STRN4: variants seen among roughly 807,000 people sequenced by gnomAD.
The protein encoded by STRN4 is striatin 4.
In STRN4, 27 loss-of-function variants were observed where a neutral mutation model predicts 77.9. The ratio of observed to expected loss-of-function variants is 0.35; its 90% CI spans 0.26 to 0.48. STRN4 has a LOEUF of 0.48. STRN4 is among the 20% of genes least tolerant of loss of function. The probability of loss-of-function intolerance (pLI) is 0.99; values close to 1 mark genes in which losing one functional copy is unlikely to be tolerated. For missense variants in STRN4, 798 were observed against 1,049.7 expected, an observed-to-expected ratio of 0.76 and a Z score of 3.31; for synonymous variants, 466 against 443.1, an observed-to-expected ratio of 1.05 and a Z score of -0.65.
In STRN4 at chr19:46,746,347, G is replaced by C. The variant is rs556058819; in HGVS notation, c.84C>G (p.Pro28=). 3,558 of 1,265,732 alleles carry C rather than the reference G, an allele frequency of 2.8e-3. 84 individuals are homozygous for C. In the East Asian group the frequency reaches 0.048, roughly 17 times the overall value. The allele number at this position is 1,265,732 out of a possible 1,614,324, so 78.4% of individuals were successfully genotyped here. The part of the protein sequence containing the change: ...RPLGSGAGPG[P]TGAAPVSAPA... Reference sequence around the variant, plus strand: ...GGGCGGAGACCGGGGCCGCCCCAGTGGGGCCAGGGCCCGCGCCTGAGCCGA... The same window carrying C: ...GGGCGGAGACCGGGGCCGCCCCAGTCGGGCCAGGGCCCGCGCCTGAGCCGA... Residue 28 remains proline (P), a synonymous_variant, in exon 1 of 18, where the codon CCC becomes CCG. Transcript: ENST00000263280.
chr19:46,736,976 A>C, intron 3 of STRN4, 75 bp from the exon 4 acceptor site: 4 of 1,435,566 alleles, frequency 2.8e-6, no homozygotes, highest in Non-Finnish European at 2.9e-6. Flanking sequence ...CATCTTCCTC[A>C]CCCCTCCAAC....
rs928701157 is a variant in STRN4, at chr19:46,741,317, G to T, written c.283-2429C>A. Among the ~76,000 whole-genome samples the T allele has an allele frequency of 6.6e-6, 1 of 152,194 alleles. No individual in the cohort carries two copies. The highest frequency in any genetic ancestry group is 6.5e-5 in the Admixed American group (1 of 15,284). ...TCCCAACCAGACCTGTCACTGGCTG[G>T]GTTCCCCCTTCATCCCTCTGCTGCC... On this transcript the variant is annotated intron_variant, in intron 1 of 17. Transcript: ENST00000263280. The surrounding 1 kb of genome is among the most constrained non-coding windows in gnomAD (Gnocchi z 4.9).
At chr19:46,726,501 G>A (rs896093306) in intron 9 of STRN4, among the ~76,000 whole-genome samples, 4 of 149,940 alleles carry the variant, frequency 2.7e-5, no homozygotes, top group African/African-American at 9.9e-5. Context: ...AAAAAAAAAG[G>A]TAGCCTCAGA....
Position 46,724,855 on chromosome 19 carries a change from G to A in STRN4, c.1546C>T (p.His516Tyr). Residue 516 changes from histidine to tyrosine, a missense_variant, in exon 12 of 18, where the codon CAT becomes TAT. His to Tyr is a moderately conservative substitution (Grantham distance 83). Coordinates refer to ENST00000263280, the MANE Select transcript of STRN4 (RefSeq NM_013403.3). ...CYSGGADACI[H>Y]SWKIPDLSMD... ...CTGAGGTCTGGAATCTTCCAACTAT[G>A]GATGCAGGCATCTGCCCCGCCACTG... is the stretch of plus-strand genomic sequence containing the variant. 1.9e-6 allele frequency: 3 copies of A among 1,613,786 alleles called. No homozygotes were observed. The South Asian group carries it at 3.3e-5, about 18-fold the overall frequency.
chr19:46,731,252 G>A (rs149093609), intron 5 of STRN4, among the ~76,000 whole-genome samples: 77 of 152,320 alleles, frequency 5.1e-4, no homozygotes, highest in African/African-American at 1.8e-3. Context: ...ACAAGGGCAG[G>A]TCAGGCAGGA....
intron 1 of STRN4, among the ~76,000 whole-genome samples, chr19:46,740,552 C>T (rs1158263515): frequency 6.6e-6 from 1 of 151,998 alleles, no homozygotes; most frequent in Non-Finnish European, 1.5e-5. Context: ...GACCGACCAC[C>T]GAAGACAAGT....
At chr19:46,737,227 T>C (rs1475351097) in intron 3 of STRN4, among the ~76,000 whole-genome samples, 1 of 152,238 alleles carries the variant, frequency 6.6e-6, no homozygotes, top group East Asian at 1.9e-4. Flanking sequence ...ATCCCAGCTG[T>C]GTGACCCTGA....
rs1352455861 is a variant in STRN4 at position 46,720,538 on chromosome 19, C to G, written c.*64G>C. The G allele has an allele frequency of 6.8e-7, 1 of 1,472,624 alleles. No individual in the cohort carries two copies. Among genetic ancestry groups the G allele is most frequent in the African/African-American group, 1.4e-5 (1 of 70,782 alleles). 91.2% of individuals were successfully genotyped at this position (1,472,624 alleles called of 1,614,324 possible). A position where few individuals can be genotyped will look rare whatever the true frequency, so the allele number is the denominator to read the frequency against. ...GAATGCGGGGTTTCTGCCCTCACCTCAGCCCCACCTGCCCGGCCCTACACC... is the reference window on the plus strand; with the variant it reads ...GAATGCGGGGTTTCTGCCCTCACCTGAGCCCCACCTGCCCGGCCCTACACC... On this transcript the variant is annotated splice_region_variant and 3_prime_UTR_variant, in exon 17 of 18. Transcript: ENST00000263280.
chr19:46,728,773 G>A lies in STRN4; in HGVS notation c.884C>T (p.Pro295Leu). 6.2e-7 allele frequency: 1 copy of A among 1,614,100 alleles called. No homozygotes were observed. Among genetic ancestry groups the A allele is most frequent in the Non-Finnish European group, 8.5e-7 (1 of 1,179,956 alleles). ...VQHKKQRVKL[P>L]SKALVPEMED... The stretch of plus-strand genomic sequence containing the variant: ...CATTTCGGGCACCAGAGCCTTGGAT[G>A]GGAGCTGGCACATGGAGAAAGCCAG... The change falls in exon 7 of 18, where the codon CCA (proline) becomes CTA (leucine). Residue 295 changes from proline to leucine, a missense_variant. Around this residue, in one of 2 missense-constraint regions of STRN4, gnomAD observed 511 missense variants for 575.9 expected, o/e 0.89. Transcript: ENST00000263280.
intron 1 of STRN4, chr19:46,739,193 G>C: frequency 2.5e-6 from 1 of 402,954 alleles, no homozygotes; most frequent in African/African-American, 2.0e-5. Context: ...GGGAAGTCGG[G>C]TCAGGGATGG....
intron 1 of STRN4, among the ~76,000 whole-genome samples, chr19:46,744,691 G>A (rs1231936366): frequency 1.3e-5 from 2 of 151,860 alleles, no homozygotes; most frequent in Non-Finnish European, 2.9e-5. Flanking sequence ...CATCCCTACC[G>A]ACACAATTCT....
In STRN4 at chr19:46,725,490, C is replaced by T; in HGVS notation, c.1407G>A (p.Lys469=). 1 of 1,614,114 alleles carries T rather than the reference C, an allele frequency of 6.2e-7. No homozygotes were observed. Among genetic ancestry groups the T allele is most frequent in the Non-Finnish European group, 8.5e-7 (1 of 1,180,010 alleles). The part of the protein sequence containing the change: ...DGTLKLWNLQ[K]AVTAKKNAAL... ...GCCCTCACTTCTTGGCCGTGACCGC[C>T]TTCTGCAGGTTCCAGAGCTTGAGCG... The change falls in exon 10 of 18, where the codon AAG becomes AAA. Residue 469 remains lysine (K), a synonymous_variant. Transcript: ENST00000263280.
chr19:46,732,702 G>T (rs1599879509), intron 5 of STRN4: 1 of 290,442 alleles, frequency 3.4e-6, no homozygotes, highest in East Asian at 7.6e-5. Flanking sequence ...ATTCCTGAGG[G>T]TGGCGACCAC....
rs745461102 is a variant in STRN4, at chr19:46,722,847, G to A, written c.1869C>T (p.Gly623=). ...GDTVLYDMEV[G]SALLTLESRG... is the part of the protein sequence containing the mutation. ...GGGACTCCAGCGTGAGGAGGGCACT[G>A]CCAACCTCCATGTCATACAAGACGG... Residue 623 remains glycine, a synonymous_variant, in exon 14 of 18, where the codon GGC becomes GGT. Transcript: ENST00000263280. 1 of 1,613,898 alleles carries A rather than the reference G, an allele frequency of 6.2e-7. No homozygotes were observed. The highest frequency in any genetic ancestry group is 8.5e-7 in the Non-Finnish European group (1 of 1,180,034).
intron 1 of STRN4, among the ~76,000 whole-genome samples, chr19:46,743,942 T>C (rs553269384): frequency 1.8e-4 from 28 of 151,718 alleles, no homozygotes; most frequent in Admixed American, 1.4e-3. Flanking sequence ...AATAAATAAA[T>C]AAACAAAAGG....
intron 4 of STRN4, among the ~76,000 whole-genome samples, chr19:46,734,826 G>A (rs1405899016): frequency 1.3e-5 from 2 of 152,004 alleles, no homozygotes; most frequent in Admixed American, 6.6e-5. Flanking sequence ...CACCAAGCCC[G>A]GCTAATTTTT....
At chr19:46,746,040 CCGGCCGT>C in intron 1 of STRN4, 102 bp downstream of exon 1, 3 of 1,182,398 alleles carry the variant, frequency 2.5e-6, no homozygotes, top group Non-Finnish European at 1.1e-6. Context: ...CGCCCCCCCG[CCGGCCGT>C]CCCGGCGGCC....
intron 16 of STRN4, 78 bp downstream of exon 16, chr19:46,721,908 G>A (rs2053986673): frequency 1.9e-6 from 3 of 1,554,148 alleles, no homozygotes; most frequent in Non-Finnish European, 2.6e-6. Flanking sequence ...GGCCCCCTGA[G>A]CACTTGCCTG....
intron 13 of STRN4, 37 bp from the exon 14 acceptor site, chr19:46,722,987 C>A (rs750205791): frequency 1.7e-5 from 28 of 1,610,476 alleles, no homozygotes; most frequent in Non-Finnish European, 2.1e-5. Flanking sequence ...CTGAATGGAC[C>A]CTCAGACCCA....
Sources: allele counts gnomAD v4.1 joint callset (sites outside exome capture counted in the v4.1 genomes callset), GRCh38; gene constraint gnomAD v4.1.1; regional missense constraint gnomAD v4.1.1; non-coding constraint Gnocchi (gnomAD v3.1); transcripts MANE v1.5; gene names NCBI Gene and HGNC (gene_info 2026-07-23, HGNC 2026-07-21).